The following MICAL2 variants were observed in gnomAD, a reference collection of about 807,000 sequenced individuals.
MICAL2 encodes the protein [F-actin]-monooxygenase MICAL2.
In MICAL2, 77 loss-of-function variants were observed where a neutral mutation model predicts 127.3. The ratio of observed to expected loss-of-function variants is 0.60; its 90% CI spans 0.50 to 0.73. MICAL2 has a LOEUF of 0.73. Among genes scored for constraint, MICAL2 ranks in the 30% least tolerant of loss-of-function variants. The pLI is 0.00. For missense variants in MICAL2, 1,351 were observed against 1,434.4 expected (o/e 0.94, Z 0.94); for synonymous variants, 570 against 551.1 (o/e 1.03, Z -0.48).
At chr11:12,358,165 A>G (rs1939157081) in intron 34 of MICAL2, 5 of 912,070 alleles carry the variant, frequency 5.5e-6, no homozygotes, top group Non-Finnish European at 8.1e-6. Flanking sequence ...TTGGTGTTAA[A>G]TTCATTTCCT....
At chr11:12,298,219 A>C (rs1005942387) in intron 29 of MICAL2, among the ~76,000 whole-genome samples, 1 of 152,014 alleles carries the variant, frequency 6.6e-6, no homozygotes. Context: ...ATCTAGCATA[A>C]TTATTAATTT....
chr11:12,124,941 T>C (rs1280590782), intron 1 of MICAL2, among the ~76,000 whole-genome samples: 1 of 152,276 alleles, frequency 6.6e-6, no homozygotes, highest in Non-Finnish European at 1.5e-5. Context: ...TTCTGGTCAC[T>C]AACCCATTCC....
chr11:12,133,079 A>G (rs943663360), intron 1 of MICAL2, among the ~76,000 whole-genome samples: 3 of 151,756 alleles, frequency 2.0e-5, no homozygotes, highest in African/African-American at 7.3e-5. Context: ...GTTGCTTTGT[A>G]TTTTGTATTA....
At chr11:12,262,773 C>T in intron 27 of MICAL2, 1 of 496,238 alleles carries the variant, frequency 2.0e-6, no homozygotes, top group South Asian at 2.6e-5. Context: ...AGTGCATGCC[C>T]CGCCTCTCCT....
At chr11:12,200,519 CA>C (rs1208866829) in intron 3 of MICAL2, among the ~76,000 whole-genome samples, 1 of 152,234 alleles carries the variant, frequency 6.6e-6, no homozygotes, top group Non-Finnish European at 1.5e-5. Flanking sequence ...ATATTAATCA[CA>C]GCAAGTGCGT....
chr11:12,354,832 A>G lies in MICAL2; in HGVS notation c.5664A>G (p.Lys1888=), dbSNP rs745900215. ...ATCATCAAAGCAGACTGGAGCAGAA[A>G]CTGAGAGAGAAAATGCTCAAGGAGG... is the stretch of plus-strand genomic sequence containing the variant. Residue 1888 remains lysine, a synonymous_variant, in exon 34 of 35, where the codon AAA becomes AAG. Transcript: ENST00000646065. 35 of 1,613,864 alleles carry G rather than the reference A, an allele frequency of 2.2e-5. No homozygotes were observed. The Middle Eastern group carries it at 4.9e-4, about 23-fold the overall frequency.
At chr11:12,130,935 C>A (rs1437717092) in intron 1 of MICAL2, among the ~76,000 whole-genome samples, 1 of 152,150 alleles carries the variant, frequency 6.6e-6, no homozygotes, top group Non-Finnish European at 1.5e-5. Flanking sequence ...CTTCTCAGCT[C>A]CCTCTGTGAT....
chr11:12,354,875 T>G (rs1054416551), intron 34 of MICAL2: 1 of 1,610,572 alleles, frequency 6.2e-7, no homozygotes, highest in African/African-American at 1.3e-5. Flanking sequence ...TGCTTGGGCC[T>G]TTGTTGAGAA....
At chr11:12,280,112 G>C (rs1187760610) in intron 1 of MICAL2, among the ~76,000 whole-genome samples, 2 of 152,304 alleles carry the variant, frequency 1.3e-5, no homozygotes, top group East Asian at 3.9e-4. Flanking sequence ...TTTGCCACTT[G>C]AATTCCAGTT....
rs1406239351 is a variant in MICAL2 at position 12,256,737 on chromosome 11, G to T, written c.2956-48G>T. 6 of 1,504,108 alleles carry T rather than the reference G, an allele frequency of 4.0e-6. No homozygotes were observed. In the East Asian group the frequency reaches 1.4e-4, roughly 35 times the overall value. 93.2% of individuals were successfully genotyped at this position (1,504,108 alleles called of 1,614,324 possible). Reference sequence around the variant, plus strand: ...TAAAAGCCTTGGCCTGGCATTTGAAGGCTCGGGATAAGCCATAATACACCC... The same window carrying T: ...TAAAAGCCTTGGCCTGGCATTTGAATGCTCGGGATAAGCCATAATACACCC... On this transcript the variant is annotated intron_variant, in intron 23 of 27. Coordinates refer to ENST00000683283, the MANE Select transcript of MICAL2 (RefSeq NM_001282663.2).
intron 1 of MICAL2, among the ~76,000 whole-genome samples, chr11:12,111,859 T>C (rs1849634334): frequency 6.6e-6 from 1 of 152,186 alleles, no homozygotes; most frequent in Non-Finnish European, 1.5e-5. Flanking sequence ...CCCTCCCCAG[T>C]GGCAGTCGAC....
intron 32 of MICAL2, among the ~76,000 whole-genome samples, chr11:12,346,368 A>T (rs1229861855): frequency 6.6e-6 from 1 of 152,230 alleles, no homozygotes; most frequent in Non-Finnish European, 1.5e-5. Flanking sequence ...TGCATGGCAG[A>T]TAGAAACTGA....
intron 1 of MICAL2, among the ~76,000 whole-genome samples, chr11:12,138,175 C>T (rs892321651): frequency 7.2e-5 from 11 of 152,180 alleles, no homozygotes; most frequent in African/African-American, 2.7e-4. Context: ...CTGCAGCCAA[C>T]AATAGAATTT....
intron 32 of MICAL2, among the ~76,000 whole-genome samples, chr11:12,337,056 G>T (rs984532141): frequency 1.3e-5 from 2 of 152,204 alleles, no homozygotes; most frequent in African/African-American, 4.8e-5. Context: ...ACCTCTGGTA[G>T]AATTCGGCTG....
chr11:12,349,719 AGCTGCT>A lies in MICAL2; in HGVS notation c.5516-116_5516-111del, dbSNP rs1312096289. 7.1e-6 allele frequency: 6 copies of A among 850,382 alleles called. 1 individual carries two copies. The highest frequency in any genetic ancestry group is 5.7e-6 in the Non-Finnish European group (3 of 528,212). 52.7% of individuals were successfully genotyped at this position (850,382 alleles called of 1,614,324 possible). A position where few individuals can be genotyped will look rare whatever the true frequency, so the allele number is the denominator to read the frequency against. On this transcript the variant is annotated intron_variant, in intron 32 of 34. Coordinates refer to the MICAL2 transcript ENST00000646065. ...TGGAGGCACCTACAGGGTGTCAGGGAGCTGCTGCCTGCAGAGCCCTTGTCACTACAA... is the reference window on the plus strand; with the variant it reads ...TGGAGGCACCTACAGGGTGTCAGGGAGCCTGCAGAGCCCTTGTCACTACAA...
chr11:12,333,985 A>G (rs2134866902), intron 32 of MICAL2, among the ~76,000 whole-genome samples: 1 of 152,314 alleles, frequency 6.6e-6, no homozygotes, highest in South Asian at 2.1e-4. Context: ...AAAAAATGAA[A>G]TTGAGTCTTG....
At chr11:12,265,272 T>G (rs1863575917), downstream of MICAL2, among the ~76,000 whole-genome samples, 1 of 152,214 alleles carries the variant, frequency 6.6e-6, no homozygotes, top group African/African-American at 2.4e-5. Context: ...ACATTTTGTT[T>G]TTGTTTTGGT....
rs1433733524 is a variant in MICAL2 at position 12,256,930 on chromosome 11, C to G, written c.3101C>G (p.Thr1034Ser). 10 of 1,613,970 alleles carry G rather than the reference C, an allele frequency of 6.2e-6. No homozygotes were observed. Among genetic ancestry groups the G allele is most frequent in the Non-Finnish European group, 8.5e-6 (10 of 1,179,968 alleles). ...RECFRCSICA[T>S]TLRLAAYTFD... ...TGTTTCCGCTGCAGCATCTGTGCCA[C>G]CACCTTGCGCCTGGCCGCCTACACC... Residue 1034 changes from threonine to serine, a missense_variant, in exon 24 of 28, where the codon ACC (threonine) becomes AGC (serine). Physicochemically the swap from Thr to Ser is moderately conservative, Grantham distance 58. Around this residue, in one of 2 missense-constraint regions of MICAL2, gnomAD observed 752 missense variants for 719.4 expected, o/e 1.05. Coordinates refer to ENST00000683283, the MANE Select transcript of MICAL2 (RefSeq NM_001282663.2).
intron 29 of MICAL2, among the ~76,000 whole-genome samples, chr11:12,307,933 A>G (rs1432700760): frequency 6.6e-6 from 1 of 152,150 alleles, no homozygotes; most frequent in Non-Finnish European, 1.5e-5. Context: ...CCCAAGCTGG[A>G]GTGCAGTGGC....
Sources: allele counts gnomAD v4.1 joint callset (sites outside exome capture counted in the v4.1 genomes callset), GRCh38; gene constraint gnomAD v4.1.1; regional missense constraint gnomAD v4.1.1; transcripts MANE v1.5; gene names NCBI Gene and HGNC (gene_info 2026-07-23, HGNC 2026-07-21).